STK11: variants seen among roughly 807,000 people sequenced by gnomAD.
STK11 encodes serine/threonine-protein kinase STK11.
Under a neutral mutation model 47.3 loss-of-function variants are expected in STK11, and 8 were observed. The ratio of observed to expected loss-of-function variants is 0.17; its 90% confidence interval spans 0.10 to 0.31. STK11 has a LOEUF of 0.31. Ranked by LOEUF, STK11 falls within the 10% of genes least tolerant of loss-of-function variation. STK11 has a pLI of 1.00. For synonymous variants in STK11, 330 were observed against 255.8 expected (o/e 1.29, Z -2.77); for missense variants, 475 against 605.0 (o/e 0.79, Z 2.25).
At chr19:1,214,525 A>G (rs1169763350) in intron 1 of STK11, among the ~76,000 whole-genome samples, 1 of 152,160 alleles carries the variant, frequency 6.6e-6, no homozygotes, top group Non-Finnish European at 1.5e-5. Context: ...CTGTAGAATG[A>G]TGGCTCATGG....
At chr19:1,222,625 C>T (rs933990392) in intron 7 of STK11, among the ~76,000 whole-genome samples, 8 of 150,930 alleles carry the variant, frequency 5.3e-5, no homozygotes, top group Non-Finnish European at 7.4e-5. Flanking sequence ...GGGCGCCTGG[C>T]GGGGACTGGG....
rs1008211743 is a variant in STK11 at position 1,208,771 on chromosome 19, C to G, written c.290+1568C>G. ...TAGCTGGGATTACAGGTGCCTGCCA[C>G]AGTGCCCAGCTAATTTTTTTTTTTT... On this transcript the variant is annotated intron_variant, in intron 1 of 9. Transcript: ENST00000326873. Among the ~76,000 whole-genome samples the G allele has an allele frequency of 1.1e-3, 161 of 143,178 alleles. 1 individual carries two copies. The highest frequency in any genetic ancestry group is 3.6e-4 in the Non-Finnish European group (24 of 66,512). The allele number at this position is 143,178 out of a possible 152,430, so 93.9% of individuals were successfully genotyped here. A position where few individuals can be genotyped will look rare whatever the true frequency, so the allele number is the denominator to read the frequency against.
intron 1 of STK11, among the ~76,000 whole-genome samples, chr19:1,215,193 C>CGTCCCCCTCAGT (rs1568699939): frequency 6.6e-6 from 1 of 152,184 alleles, no homozygotes; most frequent in East Asian, 1.9e-4. Flanking sequence ...TCACCCTCAG[C>CGTCCCCCTCAGT]GTCCCCCTCA....
chr19:1,223,827 C>T (rs955957047), intron 8 of STK11: 2 of 1,030,052 alleles, frequency 1.9e-6, no homozygotes, highest in African/African-American at 3.4e-5. Flanking sequence ...CCCGGCTTGG[C>T]TGTGTTCGGC....
intron 8 of STK11, chr19:1,226,015 C>T (rs1037183234): frequency 7.1e-5 from 72 of 1,012,618 alleles, no homozygotes; most frequent in Non-Finnish European, 8.5e-5. Context: ...CGTGCCTGGC[C>T]TGAGCCTGGC....
intron 8 of STK11, chr19:1,224,398 G>A: frequency 1.0e-6 from 1 of 985,474 alleles, no homozygotes; most frequent in Non-Finnish European, 1.2e-6. Flanking sequence ...GGGAGGTGGG[G>A]GCCCCTCATG....
intron 3 of STK11, 31 bp downstream of exon 3, chr19:1,219,444 G>GCGTGGGGCGGGGGC (rs1555737868): frequency 7.7e-7 from 1 of 1,304,784 alleles, no homozygotes; most frequent in South Asian, 1.3e-5. Flanking sequence ...CCAGGGTGGG[G>GCGTGGGGCGGGGGC]CGGGGGCCGG....
Position 1,227,660 on chromosome 19 carries a change from C to T in STK11, c.*84C>T, listed in dbSNP as rs1009543085. The T allele has an allele frequency of 5.6e-6, 6 of 1,068,430 alleles. No individual in the cohort carries two copies. Among genetic ancestry groups the T allele is most frequent in the East Asian group, 4.9e-5 (1 of 20,500 alleles). 66.2% of individuals were successfully genotyped at this position (1,068,430 alleles called of 1,614,324 possible). ...AGTCTTCCTGCCGGTTCCGCCCGCC[C>T]TCCCGGAGAGGTGGCCGCCATGCTT... On this transcript the variant is annotated 3_prime_UTR_variant, in exon 10 of 10. Coordinates refer to ENST00000326873, the MANE Select transcript of STK11 (RefSeq NM_000455.5).
At chr19:1,224,814 G>A in intron 8 of STK11, 1 of 985,608 alleles carries the variant, frequency 1.0e-6, no homozygotes, top group Non-Finnish European at 1.2e-6. Flanking sequence ...GCATGGCTGA[G>A]GCCTCAGTAC....
chr19:1,213,397 C>G (rs1390701835), intron 1 of STK11, among the ~76,000 whole-genome samples: 1 of 152,184 alleles, frequency 6.6e-6, no homozygotes, highest in Non-Finnish European at 1.5e-5. Flanking sequence ...CTTGTTACCC[C>G]AGAAGGAAAC....
intron 8 of STK11, chr19:1,224,983 T>C (rs2080810795): frequency 7.1e-6 from 7 of 985,490 alleles, no homozygotes; most frequent in Non-Finnish European, 7.2e-6. Flanking sequence ...TCCTCTGCGC[T>C]CTGCCGGGGC....
At chr19:1,225,941 G>C (rs977889989) in intron 8 of STK11, 12 of 993,014 alleles carry the variant, frequency 1.2e-5, no homozygotes, top group Non-Finnish European at 1.4e-5. Context: ...GCAGGGACTG[G>C]GGGCAGCTGG....
intron 1 of STK11, among the ~76,000 whole-genome samples, chr19:1,209,628 C>T (rs1042398804): frequency 3.3e-5 from 5 of 149,998 alleles, no homozygotes; most frequent in Non-Finnish European, 7.4e-5. Context: ...ATAAATAAAT[C>T]TGGCTTGAGT....
At chr19:1,218,546 T>A in intron 2 of STK11, 46 bp downstream of exon 2, 1 of 1,539,520 alleles carries the variant, frequency 6.5e-7, no homozygotes, top group Middle Eastern at 1.7e-4. Flanking sequence ...TGGGAGGGGC[T>A]GGGGCCCTGG....
At position 1,219,275 on chromosome 19, in the gene STK11, G is replaced by A. The variant is rs34928889; in HGVS notation, c.375-49G>A. ...CCTTTTCTGGCCCCCGTGCTCCCTG[G>A]GCCTGTGAGTGGGGCCGCCCCCTGA... On this transcript the variant is annotated intron_variant, in intron 2 of 9. Coordinates refer to ENST00000326873, the MANE Select transcript of STK11 (RefSeq NM_000455.5). 0.45 allele frequency: 699,125 copies of A among 1,548,922 alleles called. 162,185 individuals are homozygous for A. Among genetic ancestry groups the A allele is most frequent in the East Asian group, 0.86 (35,199 of 41,058 alleles).
chr19:1,216,174 C>T (rs76054223), intron 1 of STK11: 4,013 of 159,686 alleles, frequency 0.025, 168 homozygotes, highest in African/African-American at 0.089. Context: ...TACATTCACA[C>T]GGCTGTGCAA....
chr19:1,218,375 G>T, intron 1 of STK11, 42 bp from the exon 2 acceptor site: 1 of 1,538,986 alleles, frequency 6.5e-7, no homozygotes, highest in South Asian at 1.1e-5. Context: ...CCATCATCCT[G>T]ACGTTGGGTC....
At chr19:1,220,854 C>G (rs891378936) in intron 5 of STK11, 137 bp downstream of exon 5, 1 of 1,341,378 alleles carries the variant, frequency 7.5e-7, no homozygotes, top group Non-Finnish European at 1.0e-6. Context: ...CTAGGGGGTG[C>G]TTACTTTATG....
intron 1 of STK11, among the ~76,000 whole-genome samples, chr19:1,209,624 A>AAATC (rs1276340631): frequency 2.1e-5 from 3 of 143,218 alleles, no homozygotes; most frequent in Admixed American, 6.9e-5. Flanking sequence ...ATAAATAAAT[A>AAATC]AATCTGGCTT....
Sources: gnomAD v4.1 joint callset for allele counts (sites outside exome capture counted in the v4.1 genomes callset) on GRCh38, gnomAD v4.1.1 for gene constraint, MANE v1.5 for transcripts, NCBI Gene and HGNC (gene_info 2026-07-23, HGNC 2026-07-21) for gene names.